The following EXOC6B variants were observed in gnomAD, a reference collection of about 807,000 sequenced individuals.
EXOC6B encodes the protein exocyst complex component 6B.
Under a neutral mutation model 113.5 loss-of-function variants are expected in EXOC6B, and 54 were observed. That is an observed-to-expected ratio of 0.48 (90% CI 0.38 to 0.60). The LOEUF is 0.60. Among genes scored for constraint, EXOC6B ranks in the 20% least tolerant of loss-of-function variants. The pLI is 0.00. For missense variants in EXOC6B, 797 were observed against 977.5 expected (o/e 0.82, Z 2.46); for synonymous variants, 357 against 339.0 (o/e 1.05, Z -0.58).
chr2:72,419,199 A>G (rs891934317), intron 18 of EXOC6B, among the ~76,000 whole-genome samples: 4 of 152,242 alleles, frequency 2.6e-5, no homozygotes, highest in African/African-American at 9.6e-5. Flanking sequence ...TTAATGTGTT[A>G]GTCTCATAAA....
intron 6 of EXOC6B, among the ~76,000 whole-genome samples, chr2:72,681,027 C>G (rs565837145): frequency 2.0e-5 from 3 of 152,146 alleles, no homozygotes; most frequent in African/African-American, 7.2e-5. Flanking sequence ...ACACACACAC[C>G]CGCTTACATA....
chr2:72,194,326 G>A (rs776000094), intron 20 of EXOC6B, among the ~76,000 whole-genome samples: 6 of 152,102 alleles, frequency 3.9e-5, no homozygotes, highest in Admixed American at 2.0e-4. Flanking sequence ...TGGTATTCTG[G>A]TTCTTGAGAG....
At chr2:72,322,297 C>T (rs1687882481) in intron 20 of EXOC6B, among the ~76,000 whole-genome samples, 1 of 152,014 alleles carries the variant, frequency 6.6e-6, no homozygotes, top group South Asian at 2.1e-4. Flanking sequence ...AAATATTATG[C>T]TGAATCAAAG....
At chr2:72,404,447 A>G (rs583119) in intron 18 of EXOC6B, among the ~76,000 whole-genome samples, 54,677 of 152,142 alleles carry the variant, frequency 0.36, 15,940 homozygotes, top group African/African-American at 0.81. Flanking sequence ...GCCTAACTGG[A>G]AGGCACCCCC....
intron 18 of EXOC6B, among the ~76,000 whole-genome samples, chr2:72,411,124 T>C (rs1220408753): frequency 1.3e-5 from 2 of 151,788 alleles, no homozygotes; most frequent in African/African-American, 4.8e-5. Context: ...TGTGGGAGGG[T>C]CTCTTGAGCT....
At chr2:72,180,847 T>C (rs1357491131) in intron 21 of EXOC6B, among the ~76,000 whole-genome samples, 1 of 152,180 alleles carries the variant, frequency 6.6e-6, no homozygotes, top group Non-Finnish European at 1.5e-5. Flanking sequence ...GCATTATATA[T>C]GGCAAAAAGG....
At chr2:72,661,370 C>CA (rs200936973) in intron 6 of EXOC6B, among the ~76,000 whole-genome samples, 3,707 of 68,818 alleles carry the variant, frequency 0.054, 94 homozygotes, top group Admixed American at 0.14. Flanking sequence ...CAAGGAATCT[C>CA]AAAAAAAAAA....
chr2:72,624,181 C>A (rs1302309586), intron 6 of EXOC6B, among the ~76,000 whole-genome samples: 1 of 152,018 alleles, frequency 6.6e-6, no homozygotes, highest in East Asian at 1.9e-4. Flanking sequence ...CCCTGTCACC[C>A]AGGATGGAAT....
intron 6 of EXOC6B, among the ~76,000 whole-genome samples, chr2:72,692,414 C>T (rs1211149279): frequency 2.7e-5 from 4 of 150,594 alleles, no homozygotes; most frequent in Non-Finnish European, 5.9e-5. Context: ...TGCAGTGGCA[C>T]GATGTCGGCT....
chr2:72,512,599 T>C (rs1358076492), intron 11 of EXOC6B, among the ~76,000 whole-genome samples: 2 of 151,922 alleles, frequency 1.3e-5, no homozygotes, highest in Non-Finnish European at 2.9e-5. Context: ...TTTCAAAAGG[T>C]AACAGTAGAA....
In EXOC6B at chr2:72,401,566, CATAT is replaced by C. The variant is rs1383620831; in HGVS notation, c.1981-21700_1981-21697del. Among the ~76,000 whole-genome samples, 90 of 14,874 alleles carry C rather than the reference CATAT, an allele frequency of 6.1e-3. 10 individuals carry two copies. The highest frequency in any genetic ancestry group is 8.5e-3 in the Non-Finnish European group (72 of 8,440). The allele number at this position is 14,874 out of a possible 152,430, so 9.8% of individuals were successfully genotyped here. A position where few individuals can be genotyped will look rare whatever the true frequency, so the allele number is the denominator to read the frequency against. ...ATATGTGTATATATATATATATATA[CATAT>C]ATATATATATACATATATATATATA... is the stretch of plus-strand genomic sequence containing the variant. On this transcript the variant is annotated intron_variant, in intron 18 of 21. Coordinates refer to ENST00000272427, the MANE Select transcript of EXOC6B (RefSeq NM_015189.3).
intron 18 of EXOC6B, among the ~76,000 whole-genome samples, chr2:72,407,907 A>T (rs1182512688): frequency 6.6e-6 from 1 of 152,222 alleles, no homozygotes; most frequent in East Asian, 1.9e-4. Flanking sequence ...TTCAATGAGG[A>T]AAAGAGGAAG....
intron 6 of EXOC6B, among the ~76,000 whole-genome samples, chr2:72,679,583 A>C (rs920694065): frequency 1.3e-5 from 2 of 152,218 alleles, no homozygotes; most frequent in Non-Finnish European, 2.9e-5. Context: ...TTCTGATTTA[A>C]AAACTGGTAA....
chr2:72,686,567 G>C (rs1193959400), intron 6 of EXOC6B, among the ~76,000 whole-genome samples: 1 of 152,164 alleles, frequency 6.6e-6, no homozygotes, highest in Non-Finnish European at 1.5e-5. Flanking sequence ...TAAAGAATTA[G>C]TGTTCTGTTT....
chr2:72,680,879 C>A (rs927594912), intron 6 of EXOC6B, among the ~76,000 whole-genome samples: 1 of 152,106 alleles, frequency 6.6e-6, no homozygotes, highest in Non-Finnish European at 1.5e-5. Context: ...GGAAAAAAGA[C>A]AGAAGCAAGC....
intron 19 of EXOC6B, among the ~76,000 whole-genome samples, chr2:72,343,161 C>T (rs942398304): frequency 1.3e-5 from 2 of 152,168 alleles, no homozygotes; most frequent in African/African-American, 2.4e-5. Context: ...TGTGGTGGCT[C>T]ACTTCTGTAA....
At chr2:72,481,486 A>T (rs541721353) in intron 16 of EXOC6B, among the ~76,000 whole-genome samples, 7 of 152,348 alleles carry the variant, frequency 4.6e-5, no homozygotes, top group African/African-American at 1.2e-4. Flanking sequence ...TCACCAAAAG[A>T]ACAGGAATCA....
chr2:72,743,227 C>A (rs1328747241), intron 1 of EXOC6B, among the ~76,000 whole-genome samples: 1 of 152,198 alleles, frequency 6.6e-6, no homozygotes, highest in Admixed American at 6.5e-5. Context: ...ACCAATGCAA[C>A]AGCCTCCTGA....
intron 1 of EXOC6B, among the ~76,000 whole-genome samples, chr2:72,791,220 A>C (rs546876638): frequency 2.6e-5 from 4 of 152,310 alleles, no homozygotes; most frequent in East Asian, 3.9e-4. Context: ...TACATGCATC[A>C]AAGTATTACT....
Sources: gnomAD v4.1 joint callset for allele counts (sites outside exome capture counted in the v4.1 genomes callset) on GRCh38, gnomAD v4.1.1 for gene constraint, MANE v1.5 for transcripts, NCBI Gene and HGNC (gene_info 2026-07-23, HGNC 2026-07-21) for gene names.